Variants in BACE2 observed in about 807,000 individuals in gnomAD.
BACE2 encodes beta-secretase 2.
Under a neutral mutation model 46.2 loss-of-function variants are expected in BACE2, and 17 were observed. That is an observed-to-expected ratio of 0.37 (90% CI 0.25 to 0.55). BACE2 has a LOEUF of 0.55. BACE2 is among the 20% of genes least tolerant of loss of function. The pLI is 0.82. For synonymous variants in BACE2, 277 were observed against 295.9 expected, an observed-to-expected ratio of 0.94 and a Z score of 0.66; for missense variants, 595 against 698.1, an observed-to-expected ratio of 0.85 and a Z score of 1.66.
intron 1 of BACE2, among the ~76,000 whole-genome samples, chr21:41,205,665 G>C (rs566139717): frequency 6.6e-6 from 1 of 152,222 alleles, no homozygotes; most frequent in East Asian, 1.9e-4. Context: ...TTTTTTAAGC[G>C]TGTTGGGTGG....
chr21:41,243,248 G>A, intron 4 of BACE2, 128 bp from the exon 5 acceptor site: 1 of 755,794 alleles, frequency 1.3e-6, no homozygotes, highest in East Asian at 3.0e-5. Flanking sequence ...TTTGTTTCAT[G>A]ACATTGTCAC....
At chr21:41,245,265 T>C (rs527277005) in intron 5 of BACE2, among the ~76,000 whole-genome samples, 1 of 152,396 alleles carries the variant, frequency 6.6e-6, no homozygotes, top group Non-Finnish European at 1.5e-5. Flanking sequence ...CTCATGGATT[T>C]GCCTTAAGGC....
At chr21:41,252,008 C>T (rs938450657) in intron 7 of BACE2, among the ~76,000 whole-genome samples, 5 of 152,098 alleles carry the variant, frequency 3.3e-5, no homozygotes, top group Admixed American at 1.3e-4. Flanking sequence ...AGCCCTTGCG[C>T]GTGTGGCTCT....
At chr21:41,177,860 C>T (rs1029812636) in intron 1 of BACE2, 1 of 152,552 alleles carries the variant, frequency 6.6e-6, no homozygotes, top group African/African-American at 2.4e-5. Flanking sequence ...CCCAGGCCTT[C>T]TGTGGCCCCA....
rs1987357462 is a variant in BACE2, at chr21:41,243,226, T to G, written c.748-150T>G. 7 of 640,092 alleles carry G rather than the reference T, an allele frequency of 1.1e-5. No individual in the cohort carries two copies. In the South Asian group the frequency reaches 2.2e-4, roughly 20 times the overall value. 39.7% of individuals were successfully genotyped at this position (640,092 alleles called of 1,614,324 possible). A position where few individuals can be genotyped will look rare whatever the true frequency, so the allele number is the denominator to read the frequency against. On this transcript the variant is annotated intron_variant, in intron 4 of 8. Transcript: ENST00000330333. The stretch of plus-strand genomic sequence containing the variant: ...CGCGCCTGGCTCCTTGTTTATTTTT[T>G]AAGCATTGATATTTGTTTCATGACA...
chr21:41,236,842 T>G (rs1041916889), intron 2 of BACE2, among the ~76,000 whole-genome samples: 4 of 152,200 alleles, frequency 2.6e-5, no homozygotes, highest in Non-Finnish European at 2.9e-5. Context: ...TTGGGTTGTG[T>G]CCTTCAAAGG....
At chr21:41,250,655 T>G in intron 6 of BACE2, 97 bp from the exon 7 acceptor site, 1 of 1,085,364 alleles carries the variant, frequency 9.2e-7, no homozygotes, top group Non-Finnish European at 1.4e-6. Flanking sequence ...TGTTTATCCC[T>G]GTGGGCATCT....
Position 41,226,324 on chromosome 21 carries a change from C to T in BACE2, c.371C>T (p.Ser124Phe). The change falls in exon 2 of 9, where the codon TCC (serine) becomes TTC (phenylalanine). Residue 124 changes from serine (S) to phenylalanine (F), a missense_variant. Ser to Phe is a radical substitution (Grantham distance 155, BLOSUM62 -2). Around this residue, in one of 3 missense-constraint regions of BACE2, gnomAD observed 248 missense variants for 261.4 expected, o/e 0.95. Coordinates refer to ENST00000330333, the MANE Select transcript of BACE2 (RefSeq NM_012105.5). ...TTTGCCGTGGCAGGAACCCCGCACT[C>T]CTACATAGACACGTACTTTGACACA... ...SNFAVAGTPH[S>F]YIDTYFDTER... is the part of the protein sequence containing the mutation. The T allele has an allele frequency of 6.2e-7, 1 of 1,614,108 alleles. No homozygotes were observed. The highest frequency in any genetic ancestry group is 8.5e-7 in the Non-Finnish European group (1 of 1,180,020).
At chr21:41,272,648 A>C (rs79149196) in intron 8 of BACE2, among the ~76,000 whole-genome samples, 2 of 152,008 alleles carry the variant, frequency 1.3e-5, no homozygotes, top group African/African-American at 4.8e-5. Flanking sequence ...TAGATCTTTA[A>C]TGTCTTCCGT....
rs538220938 is a variant in BACE2, at chr21:41,172,902, G to T, written c.312+4327G>T. On this transcript the variant is annotated intron_variant, in intron 1 of 8. Transcript: ENST00000330333. ...CTGTCCCTCCGGAGGCTCTGGGGGAGGATCCTTCCTTCCCTCTTCTTAGTG... is the reference window on the plus strand; with the variant it reads ...CTGTCCCTCCGGAGGCTCTGGGGGATGATCCTTCCTTCCCTCTTCTTAGTG... Among the ~76,000 whole-genome samples the T allele has an allele frequency of 2.7e-4, 41 of 152,310 alleles. No individual in the cohort carries two copies. In the South Asian group the frequency reaches 8.5e-3, roughly 32 times the overall value.
At chr21:41,255,389 G>A (rs77395637) in intron 7 of BACE2, among the ~76,000 whole-genome samples, 9,518 of 152,230 alleles carry the variant, frequency 0.063, 408 homozygotes, top group African/African-American at 0.12. Context: ...AGAGTGCTCC[G>A]ATGCTTGCAG....
At chr21:41,244,113 A>G (rs770032027) in intron 5 of BACE2, among the ~76,000 whole-genome samples, 10 of 152,350 alleles carry the variant, frequency 6.6e-5, no homozygotes, top group South Asian at 2.1e-4. Context: ...CATTATGATT[A>G]TGATGACTTG....
At chr21:41,257,693 A>T (rs1319241760) in intron 8 of BACE2, among the ~76,000 whole-genome samples, 3 of 152,162 alleles carry the variant, frequency 2.0e-5, no homozygotes, top group Non-Finnish European at 4.4e-5. Context: ...ATTTGTCCAT[A>T]AAGCTGTCCT....
Position 41,243,436 on chromosome 21 carries a change from G to A in BACE2, c.808G>A (p.Glu270Lys), listed in dbSNP as rs767249577. Residue 270 changes from glutamate (E) to lysine (K), a missense_variant, in exon 5 of 9, where the codon GAA (glutamate) becomes AAA (lysine). By Grantham distance (56) the Glu-to-Lys change is moderately conservative. Around this residue, in one of 3 missense-constraint regions of BACE2, gnomAD observed 343 missense variants for 419.4 expected, o/e 0.82. Transcript: ENST00000330333. The part of the protein sequence containing the change: ...KGDIWYTPIK[E>K]EWYYQIEILK... ...AGACATCTGGTATACCCCTATTAAG[G>A]AAGAGTGGTACTACCAGATAGAAAT... 2 of 1,612,790 alleles carry A rather than the reference G, an allele frequency of 1.2e-6. No individual in the cohort carries two copies. Among genetic ancestry groups the A allele is most frequent in the Non-Finnish European group, 1.7e-6 (2 of 1,179,228 alleles).
chr21:41,238,915 G>A (rs2123597172), intron 3 of BACE2, among the ~76,000 whole-genome samples: 1 of 135,496 alleles, frequency 7.4e-6, no homozygotes, highest in Admixed American at 8.3e-5. Context: ...TAACTAACCT[G>A]CACAATGTGC....
rs1314601896 is a variant in BACE2, at chr21:41,277,200, T to C, written c.*1576T>C. On this transcript the variant is annotated 3_prime_UTR_variant, in exon 9 of 9. Transcript: ENST00000330333. The stretch of plus-strand genomic sequence containing the variant: ...ACGTGTGGATGTTTCAGCCATCTGC[T>C]CTGCTCCCTGGGTCCCCGGGTCACC... The C allele has an allele frequency of 6.6e-6, 1 of 152,144 alleles. No individual in the cohort carries two copies. Among genetic ancestry groups the C allele is most frequent in the Non-Finnish European group, 1.5e-5 (1 of 68,074 alleles). 9.4% of individuals were successfully genotyped at this position (152,144 alleles called of 1,614,324 possible).
chr21:41,178,117 T>C (rs2123491594), intron 1 of BACE2: 1 of 152,368 alleles, frequency 6.6e-6, no homozygotes, highest in East Asian at 1.9e-4. Flanking sequence ...AAGAACGATC[T>C]GGTCCAAAAT....
intron 2 of BACE2, among the ~76,000 whole-genome samples, chr21:41,230,967 A>T (rs1186793102): frequency 6.6e-6 from 1 of 152,238 alleles, no homozygotes; most frequent in Admixed American, 6.5e-5. Flanking sequence ...TCTATTCAGG[A>T]GATTAAGTAT....
At chr21:41,269,985 A>G (rs1191442829) in intron 8 of BACE2, among the ~76,000 whole-genome samples, 1 of 152,216 alleles carries the variant, frequency 6.6e-6, no homozygotes, top group Non-Finnish European at 1.5e-5. Flanking sequence ...CCAGTTGTTA[A>G]ACATCCTCAC....
Sources: allele counts gnomAD v4.1 joint callset (sites outside exome capture counted in the v4.1 genomes callset), GRCh38; gene constraint gnomAD v4.1.1; regional missense constraint gnomAD v4.1.1; transcripts MANE v1.5; gene names NCBI Gene and HGNC (gene_info 2026-07-23, HGNC 2026-07-21).